LINGO1: variants seen among roughly 807,000 people sequenced by gnomAD.
LINGO1 encodes leucine rich repeat and Ig domain containing 1.
In LINGO1, 11 loss-of-function variants were observed where a neutral mutation model predicts 37.3. The ratio of observed to expected loss-of-function variants is 0.29; its 90% CI spans 0.19 to 0.49. The LOEUF is 0.49. Among genes scored for constraint, LINGO1 ranks in the 20% least tolerant of loss-of-function variants. The pLI, the probability that LINGO1 is intolerant of heterozygous loss-of-function variation, is 0.99. For synonymous variants in LINGO1, 387 were observed against 403.0 expected (o/e 0.96, Z 0.48); for missense variants, 585 against 878.2 (o/e 0.67, Z 4.22).
At chr15:77,778,600 T>C (rs1014107741) in intron 1 of LINGO1, among the ~76,000 whole-genome samples, 1 of 152,168 alleles carries the variant, frequency 6.6e-6, no homozygotes, top group Admixed American at 6.5e-5. Context: ...GGGCCAATTC[T>C]TTCTCTCATC....
chr15:77,784,867 CTCCCT>C lies in LINGO1; in HGVS notation c.-257+1997_-257+2001del, dbSNP rs568334293. ...CCCAGCGCTGTGTGGCATTGGATCA[CTCCCT>C]TGACCTCTCTGAGCCTCCCTAAGAG... On this transcript the variant is annotated intron_variant, in intron 1 of 3. Coordinates refer to the LINGO1 transcript ENST00000561686. 5 of 152,208 alleles carry C rather than the reference CTCCCT, an allele frequency of 3.3e-5. No homozygotes were observed. In the South Asian group the frequency reaches 1.0e-3, roughly 32 times the overall value. The allele number at this position is 152,208 out of a possible 1,614,324, so 9.4% of individuals were successfully genotyped here. A position where few individuals can be genotyped will look rare whatever the true frequency, so the allele number is the denominator to read the frequency against.
At chr15:77,679,409 G>GATA (rs1283382841) in intron 2 of LINGO1, among the ~76,000 whole-genome samples, 16 of 152,304 alleles carry the variant, frequency 1.1e-4, no homozygotes, top group South Asian at 6.2e-4. Flanking sequence ...TCTGGTACTG[G>GATA]ATAATGATGA....
upstream of LINGO1, among the ~76,000 whole-genome samples, chr15:77,791,079 C>T (rs2076815047): frequency 6.6e-6 from 1 of 152,156 alleles, no homozygotes; most frequent in African/African-American, 2.4e-5. Context: ...CCAGATGATT[C>T]CTGTCTCTAA....
At chr15:77,646,738 T>C (rs555869344) in intron 3 of LINGO1, among the ~76,000 whole-genome samples, 4 of 152,318 alleles carry the variant, frequency 2.6e-5, no homozygotes, top group Non-Finnish European at 5.9e-5. Flanking sequence ...GGAGCTTTGA[T>C]AGTCAGAAGT....
At chr15:77,625,075 C>T (rs1454082424) in intron 1 of LINGO1, among the ~76,000 whole-genome samples, 3 of 152,188 alleles carry the variant, frequency 2.0e-5, no homozygotes, top group Non-Finnish European at 2.9e-5. Flanking sequence ...CAGCCCCAGC[C>T]GTCAGGGCCT....
chr15:77,690,643 C>T (rs2075587307), intron 2 of LINGO1: 1 of 152,230 alleles, frequency 6.6e-6, no homozygotes, highest in Non-Finnish European at 1.5e-5. Flanking sequence ...AGAAAGATAT[C>T]CCTTTTGTTC....
In LINGO1 at chr15:77,628,248, T is replaced by C. The variant is rs535978940; in HGVS notation, c.6+4062A>G. 1.3e-3 allele frequency among the ~76,000 whole-genome samples: 202 copies of C among 152,262 alleles called. 1 individual carries two copies. Among genetic ancestry groups the C allele is most frequent in the African/African-American group, 4.6e-3 (193 of 41,540 alleles). ...GAGACACTGCATGTTGCCTCAGAGA[T>C]GGGATGAGAAGGTTCCTGGCAGCAT... is the stretch of plus-strand genomic sequence containing the variant. On this transcript the variant is annotated intron_variant, in intron 1 of 1. Coordinates refer to ENST00000355300, the MANE Select transcript of LINGO1 (RefSeq NM_032808.7).
intron 3 of LINGO1, among the ~76,000 whole-genome samples, chr15:77,652,523 TG>T (rs1567491879): frequency 1.1e-4 from 16 of 149,870 alleles, no homozygotes; most frequent in African/African-American, 3.2e-4. Flanking sequence ...TGTGTGTGTG[TG>T]TGTGTGTTGC....
chr15:77,764,170 G>A lies in LINGO1; in HGVS notation c.-257+22699C>T, dbSNP rs28368690. Among the ~76,000 whole-genome samples the A allele has an allele frequency of 1.8e-3, 278 of 152,312 alleles. 1 individual carries two copies. The highest frequency in any genetic ancestry group is 6.3e-3 in the African/African-American group (263 of 41,562). ...CACTCCTGATCCCCACTCCGTCTGC[G>A]TTCATGCCCACCATATGTGCACCTG... On this transcript the variant is annotated intron_variant, in intron 1 of 3. Coordinates refer to the LINGO1 transcript ENST00000561686.
intron 2 of LINGO1, among the ~76,000 whole-genome samples, chr15:77,718,699 G>C (rs1422038431): frequency 6.6e-6 from 1 of 150,786 alleles, no homozygotes; most frequent in Non-Finnish European, 1.5e-5. Flanking sequence ...AGACCCCTTA[G>C]TCACAACTGC....
At chr15:77,744,875 G>C (rs934248747) in intron 1 of LINGO1, among the ~76,000 whole-genome samples, 3 of 152,100 alleles carry the variant, frequency 2.0e-5, no homozygotes, top group Non-Finnish European at 4.4e-5. Flanking sequence ...CAGCACTTTG[G>C]GAGGCCAAAG....
At chr15:77,647,695 C>T (rs2141129107) in intron 3 of LINGO1, 1 of 363,840 alleles carries the variant, frequency 2.7e-6, no homozygotes. Flanking sequence ...CGGGAAAGGC[C>T]CTGGCAAAAC....
chr15:77,743,500 A>AC (rs1427734881), intron 1 of LINGO1, among the ~76,000 whole-genome samples: 1 of 151,876 alleles, frequency 6.6e-6, no homozygotes, highest in African/African-American at 2.4e-5. Flanking sequence ...GGCTGCAAAG[A>AC]CCCCCAGTCT....
chr15:77,683,583 A>G (rs2141233076), intron 2 of LINGO1, among the ~76,000 whole-genome samples: 1 of 152,312 alleles, frequency 6.6e-6, no homozygotes, highest in South Asian at 2.1e-4. Context: ...TGCCCACAAT[A>G]TACTGGGAAG....
rs116091818 is a variant in LINGO1 at position 77,806,271 on chromosome 15, G to A, written c.-457-10218C>T. On this transcript the variant is annotated intron_variant, in intron 1 of 5. Transcript: ENST00000562933. The stretch of plus-strand genomic sequence containing the variant: ...GACGCGAGGGCAGAGGCGGCCCTCC[G>A]AGAATGCCCAGTGATGATTCCTCTC... 7.9e-5 allele frequency among the ~76,000 whole-genome samples: 12 copies of A among 152,244 alleles called. No homozygotes were observed. In the East Asian group the frequency reaches 1.9e-3, roughly 24 times the overall value.
At chr15:77,664,170 T>TGTGTGTGTGTGTGCGC in intron 3 of LINGO1, among the ~76,000 whole-genome samples, 3 of 130,946 alleles carry the variant, frequency 2.3e-5, no homozygotes, top group African/African-American at 1.1e-4. Flanking sequence ...TGTGTGTGTG[T>TGTGTGTGTGTGTGCGC]GCGCGCGCGC....
intron 1 of LINGO1, among the ~76,000 whole-genome samples, chr15:77,760,920 T>G (rs2076470110): frequency 1.3e-5 from 1 of 74,590 alleles, no homozygotes; most frequent in Admixed American, 1.4e-4. Context: ...AAGTATCTTT[T>G]TTTTTTTTTT....
intron 1 of LINGO1, among the ~76,000 whole-genome samples, chr15:77,800,347 A>G (rs1194882292): frequency 1.3e-5 from 2 of 152,250 alleles, no homozygotes; most frequent in African/African-American, 4.8e-5. Context: ...GGGATGGGAA[A>G]ACAGCAGAGA....
At chr15:77,619,851 C>G (rs2073864774) in intron 1 of LINGO1, among the ~76,000 whole-genome samples, 1 of 152,230 alleles carries the variant, frequency 6.6e-6, no homozygotes, top group South Asian at 2.1e-4. Flanking sequence ...TCCGTGGGAG[C>G]AGGACAGCTC....
Sources: allele counts gnomAD v4.1 joint callset (sites outside exome capture counted in the v4.1 genomes callset), GRCh38; gene constraint gnomAD v4.1.1; transcripts MANE v1.5; gene names NCBI Gene and HGNC (gene_info 2026-07-23, HGNC 2026-07-21).